Variants in TSGA10IP observed in about 807,000 individuals in gnomAD.
The protein encoded by TSGA10IP is testis specific 10 interacting protein.
A neutral mutation model predicts 63.2 loss-of-function variants in TSGA10IP; 64 were observed. The observed-to-expected ratio is 1.01, with a 90% confidence interval of 0.83 to 1.25. TSGA10IP has a LOEUF of 1.25. TSGA10IP is among the 50% of genes most tolerant of loss of function. The pLI, the probability that TSGA10IP is intolerant of heterozygous loss-of-function variation, is 0.00. For missense variants in TSGA10IP, 681 were observed against 710.1 expected, an observed-to-expected ratio of 0.96 and a Z score of 0.47; for synonymous variants, 316 against 298.3, an observed-to-expected ratio of 1.06 and a Z score of -0.61.
intron 3 of TSGA10IP, 52 bp downstream of exon 3, chr11:65,947,880 C>CA: frequency 6.6e-7 from 1 of 1,513,238 alleles, no homozygotes; most frequent in Non-Finnish European, 8.9e-7. Flanking sequence ...CCGCAGGGAA[C>CA]AGGGAGCAGT....
intron 4 of TSGA10IP, among the ~76,000 whole-genome samples, chr11:65,950,135 G>C (rs911133894): frequency 1.3e-5 from 2 of 151,878 alleles, no homozygotes; most frequent in Admixed American, 6.6e-5. Context: ...ACAGGCGTGA[G>C]CCACCACTCC....
At chr11:65,959,381 GC>G in intron 7 of TSGA10IP, 67 bp downstream of exon 7, 2 of 1,572,580 alleles carry the variant, frequency 1.3e-6, no homozygotes, top group Non-Finnish European at 1.7e-6. Flanking sequence ...GCCCACACCA[GC>G]ACTCTGGGCT....
chr11:65,947,873 C>T (rs1356879460), intron 3 of TSGA10IP, 45 bp downstream of exon 3: 1 of 1,513,234 alleles, frequency 6.6e-7, no homozygotes. Context: ...AGCTACACCG[C>T]AGGGAACAGG....
In TSGA10IP at chr11:65,947,480, A is replaced by G. The variant is rs781574378; in HGVS notation, c.655A>G (p.Ser219Gly). 3.7e-6 allele frequency: 6 copies of G among 1,613,448 alleles called. No individual in the cohort carries two copies. The Admixed American group carries it at 6.7e-5, about 18-fold the overall frequency. Residue 219 changes from serine to glycine, a missense_variant, in exon 3 of 8, where the codon AGC becomes GGC. Coordinates refer to ENST00000532620, the Ensembl canonical transcript of TSGA10IP. The stretch of plus-strand genomic sequence containing the variant: ...GTCCGACAAGCAGGTCCAGCTGCAA[A>G]GCCTGGGTGCTGAGGAGGCCGAGAG...
intron 5 of TSGA10IP, 141 bp from the exon 6 acceptor site, chr11:65,958,742 C>T: frequency 5.7e-6 from 4 of 696,974 alleles, no homozygotes; most frequent in Non-Finnish European, 9.6e-6. Context: ...GGAATCCAGG[C>T]AAGAATGGGA....
At chr11:65,946,422 CGGGTTTTTTT>C (rs1324899770) in intron 1 of TSGA10IP, among the ~76,000 whole-genome samples, 1 of 151,126 alleles carries the variant, frequency 6.6e-6, no homozygotes, top group Non-Finnish European at 1.5e-5. Flanking sequence ...GGTGCTCGGT[CGGGTTTTTTT>C]GTTTGTTTGT....
In TSGA10IP at chr11:65,947,700, G is replaced by A. The variant is rs7927826; in HGVS notation, c.875G>A (p.Ser292Asn). Residue 292 changes from serine (S) to asparagine (N), a missense_variant, in exon 3 of 8, where the codon AGC (serine) becomes AAC (asparagine). Transcript: ENST00000532620. ...GATGAGGGAGAAGTGCAGGGCCAGAGCCAGGGGAGCAGCCCCAGCTTCAAC... is the reference window on the plus strand; with the variant it reads ...GATGAGGGAGAAGTGCAGGGCCAGAACCAGGGGAGCAGCCCCAGCTTCAAC... 4.1e-3 allele frequency: 6,537 copies of A among 1,599,566 alleles called. 233 individuals are homozygous for A. In the African/African-American group the frequency reaches 0.078, roughly 19 times the overall value.
chr11:65,950,111 A>G (rs1565306629), intron 4 of TSGA10IP, among the ~76,000 whole-genome samples: 1 of 151,994 alleles, frequency 6.6e-6, no homozygotes, highest in Non-Finnish European at 1.5e-5. Context: ...TCAGCCTCCC[A>G]AAGTGCGGGG....
chr11:65,947,229 T>C (rs755684117), exon 3 of TSGA10IP: 2 of 1,609,548 alleles, frequency 1.2e-6, no homozygotes, highest in Admixed American at 3.4e-5. Flanking sequence ...CACCAAGCCC[T>C]GCCCATGCCC....
exon 3 of TSGA10IP, chr11:65,947,289 C>T: frequency 1.9e-6 from 3 of 1,612,462 alleles, no homozygotes; most frequent in South Asian, 1.1e-5. Context: ...GCCAACCTCC[C>T]AGAGGCCCAT....
At chr11:65,957,573 G>T (rs1590627049) in intron 5 of TSGA10IP, among the ~76,000 whole-genome samples, 1 of 152,194 alleles carries the variant, frequency 6.6e-6, no homozygotes, top group Non-Finnish European at 1.5e-5. Context: ...TGTGTTCCGG[G>T]CCATGGGTTT....
chr11:65,956,220 C>T (rs1855022706), intron 5 of TSGA10IP, among the ~76,000 whole-genome samples: 1 of 151,776 alleles, frequency 6.6e-6, no homozygotes, highest in Admixed American at 6.6e-5. Flanking sequence ...TCACCGCAAC[C>T]TCTGCCTCCC....
chr11:65,948,712 G>A (rs1002105500), intron 4 of TSGA10IP, among the ~76,000 whole-genome samples: 5 of 152,188 alleles, frequency 3.3e-5, no homozygotes, highest in South Asian at 2.1e-4. Flanking sequence ...GGTGGCTCAC[G>A]CCTATAATCC....
At chr11:65,954,911 A>C (rs1854999602) in intron 5 of TSGA10IP, among the ~76,000 whole-genome samples, 1 of 151,910 alleles carries the variant, frequency 6.6e-6, no homozygotes, top group Non-Finnish European at 1.5e-5. Context: ...GAAGTTGTTT[A>C]TACCTAGTCA....
chr11:65,957,306 AC>A (rs1372319776), intron 5 of TSGA10IP, among the ~76,000 whole-genome samples: 2 of 151,570 alleles, frequency 1.3e-5, no homozygotes, highest in East Asian at 3.9e-4. Context: ...GCACGCCACC[AC>A]TCCCAGCTAA....
At position 65,953,697 on chromosome 11, in the gene TSGA10IP, C is replaced by CG; in HGVS notation, c.1286dup (p.Gly431TrpfsTer20). 1 of 1,577,578 alleles carries CG rather than the reference C, an allele frequency of 6.3e-7. No individual in the cohort carries two copies. The highest frequency in any genetic ancestry group is 1.1e-5 in the South Asian group (1 of 88,462). On this transcript the variant is annotated frameshift_variant, in exon 5 of 8. Coordinates refer to ENST00000532620, the Ensembl canonical transcript of TSGA10IP. LOFTEE classifies it high-confidence loss of function. ...GGCAGCCTACGCACCCAGAGGGAGC[C>CG]GGGGCCCTGGGGCGGCCCAGCGCAA...
chr11:65,959,122 T>A, intron 6 of TSGA10IP, 68 bp from the exon 7 acceptor site: 6 of 1,576,684 alleles, frequency 3.8e-6, no homozygotes, highest in Non-Finnish European at 5.2e-6. Flanking sequence ...ACCCCCTCAG[T>A]AACCCGATCC....
chr11:65,959,092 T>C, intron 6 of TSGA10IP, 98 bp from the exon 7 acceptor site: 1 of 1,560,026 alleles, frequency 6.4e-7, no homozygotes, highest in South Asian at 1.2e-5. Context: ...CCAGGGCTGC[T>C]GCCCTCTGGA....
intron 4 of TSGA10IP, 108 bp downstream of exon 4, chr11:65,948,256 C>T (rs1397860131): frequency 1.5e-6 from 2 of 1,363,324 alleles, no homozygotes; most frequent in Non-Finnish European, 2.0e-6. Context: ...CTTTATTTAT[C>T]CATTCACCAA....
Sources: gnomAD v4.1 joint callset for allele counts (sites outside exome capture counted in the v4.1 genomes callset) on GRCh38, gnomAD v4.1.1 for gene constraint, MANE v1.5 for transcripts, NCBI Gene and HGNC (gene_info 2026-07-23, HGNC 2026-07-21) for gene names.